SLC38A10: variants seen among roughly 807,000 people sequenced by gnomAD.
The protein encoded by SLC38A10 is Sodium-coupled neutral amino acid transporter 10.
A neutral mutation model predicts 81.0 loss-of-function variants in SLC38A10; 53 were observed. The observed-to-expected ratio is 0.65, with a 90% CI of 0.53 to 0.82. The LOEUF (loss-of-function observed/expected upper bound fraction) is 0.82. Among genes scored for constraint, SLC38A10 ranks in the 40% least tolerant of loss-of-function variants. The pLI is 0.00. For missense variants in SLC38A10, 1,471 were observed against 1,545.0 expected (o/e 0.95, Z 0.80); for synonymous variants, 665 against 655.3 (o/e 1.01, Z -0.23).
chr17:81,246,267 C>T lies in SLC38A10; in HGVS notation c.2649G>A (p.Gln883=). The T allele has an allele frequency of 6.2e-7, 1 of 1,612,624 alleles. No homozygotes were observed. ...RLAEEFPGQS[Q]DVTGGSQDRK... ...TGTCTTGGGAACCGCCAGTAACGTC[C>T]TGACTTTGCCCAGGGAATTCCTCTG... The change falls in exon 16 of 16, where the codon CAG becomes CAA. Residue 883 remains glutamine, a synonymous_variant. Coordinates refer to ENST00000374759, the MANE Select transcript of SLC38A10 (RefSeq NM_001037984.3).
intron 1 of SLC38A10, among the ~76,000 whole-genome samples, chr17:81,291,247 G>T (rs1463363770): frequency 6.6e-6 from 1 of 151,958 alleles, no homozygotes; most frequent in East Asian, 1.9e-4. Context: ...TTGGGAGGCC[G>T]AGGCAGGTGG....
chr17:81,288,157 G>C lies in SLC38A10; in HGVS notation c.217+1534C>G, dbSNP rs1169619536. 2.0e-5 allele frequency among the ~76,000 whole-genome samples: 3 copies of C among 152,254 alleles called. No individual in the cohort carries two copies. The highest frequency in any genetic ancestry group is 4.4e-5 in the Non-Finnish European group (3 of 68,048). ...GGTTCTGAGGGCCGAAACGAACGCA[G>C]GACTCTCTGTGGCAACATGAAGGGG... On this transcript the variant is annotated intron_variant, in intron 2 of 15. Coordinates refer to ENST00000374759, the MANE Select transcript of SLC38A10 (RefSeq NM_001037984.3). The surrounding 1 kb of genome is among the most constrained non-coding windows in gnomAD (Gnocchi z 5.4).
At chr17:81,260,994 C>T (rs2063018273) in intron 10 of SLC38A10, among the ~76,000 whole-genome samples, 1 of 152,268 alleles carries the variant, frequency 6.6e-6, no homozygotes, top group Non-Finnish European at 1.5e-5. Context: ...TCACAGCTGG[C>T]ACCATGCATG....
rs550174275 is a variant in SLC38A10, at chr17:81,283,294, C to T, written c.357+115G>A. ...CAAGCCCCTAGAATGACAGCAGGCTCGACAGAAGCTTCTCCCGACCAGCAC... is the reference window on the plus strand; with the variant it reads ...CAAGCCCCTAGAATGACAGCAGGCTTGACAGAAGCTTCTCCCGACCAGCAC... On this transcript the variant is annotated intron_variant, in intron 4 of 15. Coordinates refer to ENST00000374759, the MANE Select transcript of SLC38A10 (RefSeq NM_001037984.3). The surrounding 1 kb of genome is among the most constrained non-coding windows in gnomAD (Gnocchi z 4.7). 20 of 914,048 alleles carry T rather than the reference C, an allele frequency of 2.2e-5. No individual in the cohort carries two copies. The highest frequency in any genetic ancestry group is 6.6e-5 in the African/African-American group (4 of 60,388). The allele number at this position is 914,048 out of a possible 1,614,324, so 56.6% of individuals were successfully genotyped here.
Position 81,272,497 on chromosome 17 carries a change from G to C in SLC38A10, c.1024+19C>G. The C allele has an allele frequency of 6.4e-7, 1 of 1,557,146 alleles. No homozygotes were observed. The highest frequency in any genetic ancestry group is 8.7e-7 in the Non-Finnish European group (1 of 1,152,162). ...CCCGGGTCCCACTCCCCGGCAACAGGGCAGCCCTCCCGCCTTACCGTTGGG... is the reference window on the plus strand; with the variant it reads ...CCCGGGTCCCACTCCCCGGCAACAGCGCAGCCCTCCCGCCTTACCGTTGGG... On this transcript the variant is annotated intron_variant, in intron 9 of 15. Transcript: ENST00000374759.
intron 13 of SLC38A10, chr17:81,251,863 C>A: frequency 1.9e-6 from 1 of 532,778 alleles, no homozygotes; most frequent in East Asian, 3.2e-5. Context: ...AAGAACTGTC[C>A]TAAGCAGCTC....
Position 81,246,043 on chromosome 17 carries a change from TGGCGTAACACAGCCTGG to T in SLC38A10, c.2856_2872del (p.Gln953AlafsTer8), listed in dbSNP as rs2062846936. The T allele has an allele frequency of 6.2e-7, 1 of 1,610,292 alleles. No individual in the cohort carries two copies. Among genetic ancestry groups the T allele is most frequent in the Non-Finnish European group, 8.5e-7 (1 of 1,179,560 alleles). ...ATCAGAGATGACCCGCAGTTCCGGC[TGGCGTAACACAGCCTGG>T]GGCTGTGCAGCTGCTCCTTCCGCCC... On this transcript the variant is annotated frameshift_variant, in exon 16 of 16. Coordinates refer to ENST00000374759, the MANE Select transcript of SLC38A10 (RefSeq NM_001037984.3). LOFTEE classifies it low-confidence loss of function (END_TRUNC).
rs942235670 is a variant in SLC38A10, at chr17:81,252,406, C to T, written c.1734G>A (p.Gln578=). Residue 578 remains glutamine, a synonymous_variant, in exon 13 of 16, where the codon CAG becomes CAA. Transcript: ENST00000374759. ...EEAGDLPEDP[Q]KVPEADGQPA... Reference sequence around the variant, plus strand: ...GCTGACCATCTGCTTCTGGAACTTTCTGGGGATCTTCAGGAAGATCACCCG... The same window carrying T: ...GCTGACCATCTGCTTCTGGAACTTTTTGGGGATCTTCAGGAAGATCACCCG... 1.2e-5 allele frequency: 20 copies of T among 1,613,096 alleles called. No homozygotes were observed. Among genetic ancestry groups the T allele is most frequent in the Admixed American group, 1.7e-5 (1 of 60,004 alleles).
In SLC38A10 at chr17:81,286,443, C is replaced by T. The variant is rs2063267858; in HGVS notation, c.218-1548G>A. On this transcript the variant is annotated intron_variant, in intron 2 of 15. Transcript: ENST00000374759. This position sits in a 1 kb window ranked among gnomAD's most constrained non-coding sequence, Gnocchi z 6.0. Reference sequence around the variant, plus strand: ...CTTCTTTTCCCCACCTGGGCCAAACCCTCACCCGCCATTCCCAGTGTCAAT... The same window carrying T: ...CTTCTTTTCCCCACCTGGGCCAAACTCTCACCCGCCATTCCCAGTGTCAAT... Among the ~76,000 whole-genome samples the T allele has an allele frequency of 1.3e-5, 2 of 152,206 alleles. No homozygotes were observed. Among genetic ancestry groups the T allele is most frequent in the Non-Finnish European group, 1.5e-5 (1 of 68,040 alleles).
rs1404635373 is a variant in SLC38A10, at chr17:81,294,932, C to G, written c.-11G>C. The G allele has an allele frequency of 6.3e-7, 1 of 1,581,752 alleles. No homozygotes were observed. The highest frequency in any genetic ancestry group is 8.6e-7 in the Non-Finnish European group (1 of 1,165,916). ...GGCGGCCGCGGTCATAGTGAGAGGT[C>G]TAGGGGCCCGGGGCGAGAGGCCTCG... On this transcript the variant is annotated 5_prime_UTR_variant, in exon 1 of 16. Coordinates refer to ENST00000374759, the MANE Select transcript of SLC38A10 (RefSeq NM_001037984.3).
At chr17:81,272,656 A>C in intron 8 of SLC38A10, 29 bp from the exon 9 acceptor site, 1 of 1,466,686 alleles carries the variant, frequency 6.8e-7, no homozygotes, top group Non-Finnish European at 9.1e-7. Flanking sequence ...AAAGGTTTTG[A>C]AATGACTGAT....
At chr17:81,275,941 G>T in intron 8 of SLC38A10, 28 bp downstream of exon 8, 1 of 1,603,762 alleles carries the variant, frequency 6.2e-7, no homozygotes, top group South Asian at 1.1e-5. Flanking sequence ...GTGCTATTAC[G>T]ATCCGGAGAG....
chr17:81,275,516 G>A (rs911136762), intron 8 of SLC38A10, among the ~76,000 whole-genome samples: 2 of 151,510 alleles, frequency 1.3e-5, no homozygotes, highest in Non-Finnish European at 2.9e-5. Context: ...GGCGGATCAC[G>A]AGGTCAGGAG....
chr17:81,248,252 C>T (rs555185761), intron 14 of SLC38A10, among the ~76,000 whole-genome samples: 9 of 152,306 alleles, frequency 5.9e-5, no homozygotes, highest in Admixed American at 1.3e-4. Context: ...CCACCGCACC[C>T]GGCCAAAAGC....
chr17:81,248,027 A>G lies in SLC38A10; in HGVS notation c.2066-966T>C, dbSNP rs374306401. Among the ~76,000 whole-genome samples the G allele has an allele frequency of 2.5e-3, 314 of 127,794 alleles. 2 individuals carry two copies. The highest frequency in any genetic ancestry group is 8.8e-3 in the African/African-American group (293 of 33,226). 83.8% of individuals were successfully genotyped at this position (127,794 alleles called of 152,430 possible). ...GGCTGGAGTGCAGTGGCGCGATCTC[A>G]GCTCACTGCAAGCTCCGCCTCCCGG... On this transcript the variant is annotated intron_variant, in intron 14 of 15. Transcript: ENST00000374759.
Position 81,282,690 on chromosome 17 carries a change from C to T in SLC38A10, c.358-358G>A, listed in dbSNP as rs371466932. 1.4e-4 allele frequency among the ~76,000 whole-genome samples: 21 copies of T among 152,312 alleles called. No homozygotes were observed. In the South Asian group the frequency reaches 4.1e-3, roughly 30 times the overall value. ...GGTGCAGACTGCCCTGTGGGCAGGA[C>T]GGGCCCAAAGCTCTAGCTACAAAGG... On this transcript the variant is annotated intron_variant, in intron 4 of 15. Transcript: ENST00000374759.
Position 81,252,600 on chromosome 17 carries a change from G to A in SLC38A10, c.1540C>T (p.Arg514Ter), listed in dbSNP as rs758404573. The change falls in exon 13 of 16, where the codon CGA (arginine) becomes TGA (stop). Residue 514 changes from arginine (R) to a stop codon, truncating the protein, a stop_gained. Transcript: ENST00000374759. LOFTEE classifies it high-confidence loss of function. ...DKVVVDEGQD[R>*]EVPEENKPPS... ...GGTTTGTTCTCTTCTGGCACCTCTC[G>A]GTCTTGGCCTTCATCTACCACCACC... The A allele has an allele frequency of 1.5e-5, 25 of 1,613,106 alleles. No individual in the cohort carries two copies. The East Asian group carries it at 1.6e-4, about 10-fold the overall frequency.
Position 81,281,968 on chromosome 17 carries a change from T to C in SLC38A10, c.501+221A>G, listed in dbSNP as rs977103441. 1.3e-5 allele frequency among the ~76,000 whole-genome samples: 2 copies of C among 152,132 alleles called. No homozygotes were observed. Among genetic ancestry groups the C allele is most frequent in the Non-Finnish European group, 2.9e-5 (2 of 67,992 alleles). On this transcript the variant is annotated intron_variant, in intron 5 of 15. Coordinates refer to ENST00000374759, the MANE Select transcript of SLC38A10 (RefSeq NM_001037984.3). The surrounding 1 kb of genome is among the most constrained non-coding windows in gnomAD (Gnocchi z 5.3). ...CCCTGCCCTGAGCCCCAGCCTCTCCTGCCAGCCAACCGCACCTGGGTCCAG... is the reference window on the plus strand; with the variant it reads ...CCCTGCCCTGAGCCCCAGCCTCTCCCGCCAGCCAACCGCACCTGGGTCCAG...
chr17:81,278,564 A>G lies in SLC38A10; in HGVS notation c.627-1431T>C, dbSNP rs556765676. Reference sequence around the variant, plus strand: ...TTCCCCTCGGCCCAGGCTAGAAGGGAGCTAAGTGGCCAACGCCTGTGCACA... The same window carrying G: ...TTCCCCTCGGCCCAGGCTAGAAGGGGGCTAAGTGGCCAACGCCTGTGCACA... On this transcript the variant is annotated intron_variant, in intron 6 of 15. Transcript: ENST00000374759. Among the ~76,000 whole-genome samples, 5 of 152,194 alleles carry G rather than the reference A, an allele frequency of 3.3e-5. No individual in the cohort carries two copies. The East Asian group carries it at 9.7e-4, about 29-fold the overall frequency.
Sources: allele counts gnomAD v4.1 joint callset (sites outside exome capture counted in the v4.1 genomes callset), GRCh38; gene constraint gnomAD v4.1.1; non-coding constraint Gnocchi (gnomAD v3.1); transcripts MANE v1.5; gene names NCBI Gene and HGNC (gene_info 2026-07-23, HGNC 2026-07-21).